The following BCAS3 variants were observed in gnomAD, a reference collection of about 807,000 sequenced individuals.
BCAS3 encodes BCAS4/BCAS3 fusion.
A neutral mutation model predicts 116.1 loss-of-function variants in BCAS3; 53 were observed. The ratio of observed to expected loss-of-function variants is 0.46; its 90% CI spans 0.37 to 0.57. The LOEUF is 0.57. BCAS3 is among the 20% of genes least tolerant of loss of function. BCAS3 has a pLI of 0.00. For synonymous variants in BCAS3, 391 were observed against 408.2 expected, an observed-to-expected ratio of 0.96 and a Z score of 0.51; for missense variants, 917 against 1,165.4, an observed-to-expected ratio of 0.79 and a Z score of 3.10.
chr17:61,246,471 GAAAAAAAAAAAAAA>G (rs1007852809), intron 22 of BCAS3, among the ~76,000 whole-genome samples: 16 of 33,476 alleles, frequency 4.8e-4, no homozygotes, highest in South Asian at 3.3e-3. Context: ...GACTGTCTCA[GAAAAAAAAAAAAAA>G]AAAAAAAAAA....
intron 22 of BCAS3, among the ~76,000 whole-genome samples, chr17:61,133,423 T>G (rs2076444578): frequency 6.6e-6 from 1 of 152,108 alleles, no homozygotes; most frequent in African/African-American, 2.4e-5. Flanking sequence ...AAAACAAAAA[T>G]TGCTGCCACT....
chr17:60,866,935 T>C (rs963997856), intron 7 of BCAS3, among the ~76,000 whole-genome samples: 1 of 152,112 alleles, frequency 6.6e-6, no homozygotes, highest in Admixed American at 6.5e-5. Context: ...TCCCTCTGTC[T>C]AGAACACAGT....
chr17:60,869,241 A>C (rs1361957775), intron 8 of BCAS3, among the ~76,000 whole-genome samples: 1 of 152,178 alleles, frequency 6.6e-6, no homozygotes, highest in African/African-American at 2.4e-5. Context: ...CTTCTATGTG[A>C]CCTCTACTGC....
chr17:61,338,524 A>G (rs1378214966), intron 22 of BCAS3, among the ~76,000 whole-genome samples: 1 of 151,972 alleles, frequency 6.6e-6, no homozygotes, highest in Non-Finnish European at 1.5e-5. Context: ...ATTCTTCCAT[A>G]TGGAAGTGTT....
At chr17:60,736,953 T>TA (rs998960309) in intron 5 of BCAS3, among the ~76,000 whole-genome samples, 7 of 138,874 alleles carry the variant, frequency 5.0e-5, no homozygotes, top group Non-Finnish European at 9.4e-5. Flanking sequence ...TTCCTTCCTA[T>TA]TTTTGAGACC....
chr17:61,341,298 A>T (rs188232723), intron 22 of BCAS3, among the ~76,000 whole-genome samples: 115 of 152,312 alleles, frequency 7.6e-4, no homozygotes, highest in Middle Eastern at 6.8e-3. Context: ...CCCTGGTCTA[A>T]GGGATGAGAG....
chr17:61,273,257 C>T (rs867219932), intron 22 of BCAS3, among the ~76,000 whole-genome samples: 12 of 151,918 alleles, frequency 7.9e-5, no homozygotes, highest in African/African-American at 2.2e-4. Flanking sequence ...TACAGGCGCG[C>T]ACCACCACCC....
intron 22 of BCAS3, among the ~76,000 whole-genome samples, chr17:61,191,600 C>T (rs571200588): frequency 6.1e-4 from 93 of 151,270 alleles, no homozygotes; most frequent in Non-Finnish European, 1.1e-3. Context: ...ATGGTGAAAC[C>T]CCGTCTGTAC....
At chr17:61,119,737 A>AATATAATT (rs956196276) in intron 22 of BCAS3, among the ~76,000 whole-genome samples, 1 of 152,082 alleles carries the variant, frequency 6.6e-6, no homozygotes, top group Non-Finnish European at 1.5e-5. Context: ...ATTTACAGAC[A>AATATAATT]ATATAATTTT....
At chr17:60,879,748 GGT>G (rs2055943587) in intron 9 of BCAS3, among the ~76,000 whole-genome samples, 1 of 152,024 alleles carries the variant, frequency 6.6e-6, no homozygotes, top group Non-Finnish European at 1.5e-5. Flanking sequence ...GTTATTTCTT[GGT>G]TTTAATGTGT....
At chr17:60,897,473 T>C (rs903467732) in intron 10 of BCAS3, among the ~76,000 whole-genome samples, 1 of 152,200 alleles carries the variant, frequency 6.6e-6, no homozygotes, top group Non-Finnish European at 1.5e-5. Flanking sequence ...TTGGGAAGTT[T>C]TCATCTATTA....
chr17:60,970,295 G>A (rs999561121), intron 14 of BCAS3, among the ~76,000 whole-genome samples: 2 of 151,912 alleles, frequency 1.3e-5, no homozygotes, highest in Admixed American at 6.6e-5. Flanking sequence ...ACTAAAAAAT[G>A]TTCAGTTAAT....
At chr17:60,974,215 T>C (rs1343251987) in intron 14 of BCAS3, among the ~76,000 whole-genome samples, 1 of 152,186 alleles carries the variant, frequency 6.6e-6, no homozygotes, top group Non-Finnish European at 1.5e-5. Context: ...TAATTGAGGT[T>C]GTTATTGAGT....
chr17:60,846,179 C>T (rs2052516733), intron 7 of BCAS3, among the ~76,000 whole-genome samples: 1 of 152,202 alleles, frequency 6.6e-6, no homozygotes, highest in Non-Finnish European at 1.5e-5. Context: ...ATCCTCCTGC[C>T]TTGATCTCCC....
chr17:60,791,027 C>T (rs566947990), intron 6 of BCAS3, among the ~76,000 whole-genome samples: 43 of 152,184 alleles, frequency 2.8e-4, no homozygotes, highest in African/African-American at 1.0e-3. Context: ...CAGGCATGAG[C>T]CACTGCACTC....
rs189215459 is a variant in BCAS3, at chr17:60,807,041, C to T, written c.404-963C>T. ...TCTGAACCATTACCTGTGACATTTG[C>T]TGTAGATCTTTTGTAGATGATCATT... is the stretch of plus-strand genomic sequence containing the variant. On this transcript the variant is annotated intron_variant, in intron 6 of 23. Transcript: ENST00000407086. Among the ~76,000 whole-genome samples the T allele has an allele frequency of 3.6e-3, 540 of 152,080 alleles. 2 individuals are homozygous for T. The highest frequency in any genetic ancestry group is 6.2e-3 in the Non-Finnish European group (423 of 67,976).
chr17:61,361,444 G>A lies in BCAS3; in HGVS notation c.2426-6883G>A, dbSNP rs2058446589. Among the ~76,000 whole-genome samples, 1 of 152,088 alleles carries A rather than the reference G, an allele frequency of 6.6e-6. No homozygotes were observed. On this transcript the variant is annotated intron_variant, in intron 22 of 23. Transcript: ENST00000407086. The surrounding 1 kb of genome is among the most constrained non-coding windows in gnomAD (Gnocchi z 6.5). ...TCCCTGGCTCAGGACCATGCGATATGATACACATAATATATAACATAATAT... is the reference window on the plus strand; with the variant it reads ...TCCCTGGCTCAGGACCATGCGATATAATACACATAATATATAACATAATAT...
intron 7 of BCAS3, among the ~76,000 whole-genome samples, chr17:60,814,361 A>G (rs111574338): frequency 6.7e-6 from 1 of 149,392 alleles, no homozygotes; most frequent in Non-Finnish European, 1.5e-5. Flanking sequence ...CTCAGTTTGG[A>G]CGTTATTTGT....
At chr17:60,740,574 G>C (rs2041450779) in intron 5 of BCAS3, among the ~76,000 whole-genome samples, 1 of 152,032 alleles carries the variant, frequency 6.6e-6, no homozygotes, top group South Asian at 2.1e-4. Flanking sequence ...TGGTAAATGG[G>C]ACGTTAGTAA....
Sources: gnomAD v4.1 joint callset for allele counts (sites outside exome capture counted in the v4.1 genomes callset) on GRCh38, gnomAD v4.1.1 for gene constraint, Gnocchi (gnomAD v3.1) non-coding constraint, MANE v1.5 for transcripts, NCBI Gene and HGNC (gene_info 2026-07-23, HGNC 2026-07-21) for gene names.